CACNB2: variants seen among roughly 807,000 people sequenced by gnomAD.
CACNB2 encodes the protein voltage-dependent L-type calcium channel subunit beta-2.
Under a neutral mutation model 73.3 loss-of-function variants are expected in CACNB2, and 42 were observed. The observed-to-expected ratio is 0.57, with a 90% CI of 0.45 to 0.74. The LOEUF is 0.74. Among genes scored for constraint, CACNB2 ranks in the 30% least tolerant of loss-of-function variants. The probability of loss-of-function intolerance (pLI) is 0.00; values close to 1 mark genes in which losing one functional copy is unlikely to be tolerated. For missense variants in CACNB2, 940 were observed against 853.0 expected, an observed-to-expected ratio of 1.10 and a Z score of -1.27; for synonymous variants, 348 against 310.3, an observed-to-expected ratio of 1.12 and a Z score of -1.28.
intron 2 of CACNB2, among the ~76,000 whole-genome samples, chr10:18,319,985 G>T (rs1175376705): frequency 6.6e-6 from 1 of 152,066 alleles, no homozygotes; most frequent in Admixed American, 6.6e-5. Flanking sequence ...GACCGGGAGG[G>T]ACAGATTCAC....
chr10:18,247,789 T>A (rs2036925794), intron 2 of CACNB2, among the ~76,000 whole-genome samples: 1 of 152,178 alleles, frequency 6.6e-6, no homozygotes, highest in Non-Finnish European at 1.5e-5. Context: ...TTTTACTCCA[T>A]TACCTTCATA....
At chr10:18,197,987 A>G (rs2131297958) in intron 2 of CACNB2, among the ~76,000 whole-genome samples, 1 of 147,994 alleles carries the variant, frequency 6.8e-6, no homozygotes, top group South Asian at 2.1e-4. Flanking sequence ...AATTAACATT[A>G]TATATTTTGT....
intron 2 of CACNB2, among the ~76,000 whole-genome samples, chr10:18,278,224 A>G (rs1015124443): frequency 2.6e-5 from 4 of 152,204 alleles, no homozygotes; most frequent in Non-Finnish European, 4.4e-5. Flanking sequence ...CCACACCTGT[A>G]ATTCCAGCAT....
intron 3 of CACNB2, among the ~76,000 whole-genome samples, chr10:18,476,352 A>G (rs1437369514): frequency 2.0e-5 from 3 of 152,226 alleles, no homozygotes; most frequent in Admixed American, 6.5e-5. Flanking sequence ...AAGCAACAAA[A>G]GCAGAGATTT....
At chr10:18,219,861 C>T (rs2035660474) in intron 2 of CACNB2, among the ~76,000 whole-genome samples, 1 of 151,168 alleles carries the variant, frequency 6.6e-6, no homozygotes, top group Admixed American at 6.6e-5. Context: ...CCTCCACCTC[C>T]CGAGTTGAAG....
intron 2 of CACNB2, among the ~76,000 whole-genome samples, chr10:18,315,612 T>C (rs1347484371): frequency 6.7e-6 from 1 of 148,886 alleles, no homozygotes; most frequent in Non-Finnish European, 1.5e-5. Flanking sequence ...GAGGGTAACT[T>C]GAGCACAGAG....
chr10:18,375,008 T>C (rs2042736596), intron 2 of CACNB2, among the ~76,000 whole-genome samples: 1 of 152,066 alleles, frequency 6.6e-6, no homozygotes, highest in Non-Finnish European at 1.5e-5. Flanking sequence ...CTCTGTTTGT[T>C]AAAACTTGAA....
chr10:18,211,607 A>G (rs886392340), intron 2 of CACNB2, among the ~76,000 whole-genome samples: 2 of 152,120 alleles, frequency 1.3e-5, no homozygotes, highest in African/African-American at 4.8e-5. Flanking sequence ...TATCTCTTTA[A>G]GCAATGTATA....
chr10:18,451,825 A>T (rs1045912225), intron 3 of CACNB2, among the ~76,000 whole-genome samples: 1 of 152,224 alleles, frequency 6.6e-6, no homozygotes, highest in Non-Finnish European at 1.5e-5. Flanking sequence ...TTGAAGGCAC[A>T]CATCTTTGAA....
At chr10:18,189,408 T>C (rs1198275495) in intron 2 of CACNB2, among the ~76,000 whole-genome samples, 3 of 152,220 alleles carry the variant, frequency 2.0e-5, no homozygotes, top group Non-Finnish European at 2.9e-5. Flanking sequence ...CCAGAGTTTT[T>C]TGGATGCATG....
intron 2 of CACNB2, among the ~76,000 whole-genome samples, chr10:18,228,784 G>A (rs1043857454): frequency 1.3e-5 from 2 of 152,126 alleles, no homozygotes; most frequent in Admixed American, 1.3e-4. Flanking sequence ...TTGTCACCCA[G>A]GTTGGAGTGC....
At chr10:18,431,916 C>T (rs11014204) in intron 3 of CACNB2, among the ~76,000 whole-genome samples, 31,671 of 151,988 alleles carry the variant, frequency 0.21, 3,988 homozygotes, top group Middle Eastern at 0.35. Context: ...AGGCGTGTGC[C>T]GCTATACCCA....
intron 2 of CACNB2, among the ~76,000 whole-genome samples, chr10:18,361,650 T>TTGCTCCGGCTGGAGTGCAAGTGGCA (rs2042146637): frequency 1.3e-5 from 2 of 150,630 alleles, no homozygotes; most frequent in African/African-American, 2.4e-5. Flanking sequence ...TCTTGCTCTA[T>TTGCTCCGGCTGGAGTGCAAGTGGCA]TGCTCCGGCT....
chr10:18,468,685 T>C (rs1329838709), intron 3 of CACNB2, among the ~76,000 whole-genome samples: 5 of 152,064 alleles, frequency 3.3e-5, no homozygotes, highest in African/African-American at 1.2e-4. Context: ...CTGCAACCTC[T>C]GCCTCCCGAG....
chr10:18,494,205 A>G (rs1217334448), intron 3 of CACNB2, among the ~76,000 whole-genome samples: 1 of 152,166 alleles, frequency 6.6e-6, no homozygotes, highest in Non-Finnish European at 1.5e-5. Flanking sequence ...GATGATTGAA[A>G]AGTGATAAAA....
chr10:18,228,445 A>AAAAAAG (rs1359204235), intron 2 of CACNB2, among the ~76,000 whole-genome samples: 3 of 148,154 alleles, frequency 2.0e-5, no homozygotes, highest in African/African-American at 7.6e-5. Flanking sequence ...AAAAAAAAAA[A>AAAAAAG]AAAAGAAAAA....
At chr10:18,260,859 AAG>A in intron 2 of CACNB2, 1 of 1,084,626 alleles carries the variant, frequency 9.2e-7, no homozygotes, top group Non-Finnish European at 1.1e-6. Flanking sequence ...CGCGAAATGC[AAG>A]ACACTCAGAT....
At chr10:18,237,675 C>T (rs187844877) in intron 2 of CACNB2, among the ~76,000 whole-genome samples, 3 of 152,256 alleles carry the variant, frequency 2.0e-5, no homozygotes, top group Non-Finnish European at 4.4e-5. Context: ...TTGATCTTGA[C>T]GTTGGAATGG....
chr10:18,334,541 G>A (rs535454086), intron 2 of CACNB2, among the ~76,000 whole-genome samples: 1 of 152,260 alleles, frequency 6.6e-6, no homozygotes, highest in African/African-American at 2.4e-5. Flanking sequence ...GACATAAAGG[G>A]CACCTTCATT....
Sources: allele counts gnomAD v4.1 joint callset (sites outside exome capture counted in the v4.1 genomes callset), GRCh38; gene constraint gnomAD v4.1.1; transcripts MANE v1.5; gene names NCBI Gene and HGNC (gene_info 2026-07-23, HGNC 2026-07-21).